The following DDX6 variants were observed in gnomAD, a reference collection of about 807,000 sequenced individuals.
The protein encoded by DDX6 is DEAD-box helicase 6.
DDX6 carries 7 observed loss-of-function variants against 60.6 expected under a neutral mutation model. The observed-to-expected ratio is 0.12, with a 90% confidence interval of 0.07 to 0.22. DDX6 has a LOEUF of 0.22. DDX6 is among the 10% of genes least tolerant of loss of function. DDX6 has a pLI of 1.00. For synonymous variants in DDX6, 207 were observed against 201.0 expected (o/e 1.03, Z -0.25); for missense variants, 270 against 589.9 (o/e 0.46, Z 5.62).
chr11:118,771,910 T>G (rs782199555), intron 4 of DDX6, among the ~76,000 whole-genome samples: 52 of 152,268 alleles, frequency 3.4e-4, no homozygotes, highest in Non-Finnish European at 6.3e-4. Flanking sequence ...AGTTACCATA[T>G]GAACTAGCAA....
chr11:118,785,992 A>G, intron 2 of DDX6, 60 bp downstream of exon 2: 4 of 1,525,732 alleles, frequency 2.6e-6, no homozygotes, highest in Non-Finnish European at 3.6e-6. Context: ...AGTCAACACC[A>G]AAGTAACACA....
chr11:118,772,594 C>T (rs544719661), intron 4 of DDX6, among the ~76,000 whole-genome samples: 44 of 152,144 alleles, frequency 2.9e-4, no homozygotes, highest in African/African-American at 9.2e-4. Flanking sequence ...TCTAAATGCA[C>T]TAAAAAGCAT....
At position 118,757,252 on chromosome 11, in the gene DDX6, G is replaced by C; in HGVS notation, c.1029C>G (p.Ser343=). The part of the protein sequence containing the change: ...QINQSIIFCN[S]SQRVELLAKK... Reference sequence around the variant, plus strand: ...TGGCTAGCAATTCAACTCGCTGAGAGGAGTTACAGAAAATGATCGACTGGT... The same window carrying C: ...TGGCTAGCAATTCAACTCGCTGAGACGAGTTACAGAAAATGATCGACTGGT... Residue 343 remains serine (S), a synonymous_variant, in exon 10 of 14, where the codon TCC becomes TCG. Coordinates refer to ENST00000534980, the MANE Select transcript of DDX6 (RefSeq NM_004397.6). The C allele has an allele frequency of 6.3e-7, 1 of 1,582,998 alleles. No individual in the cohort carries two copies. Among genetic ancestry groups the C allele is most frequent in the East Asian group, 2.3e-5 (1 of 43,300 alleles).
intron 2 of DDX6, among the ~76,000 whole-genome samples, chr11:118,784,809 T>C (rs745813522): frequency 6.6e-6 from 1 of 150,782 alleles, no homozygotes; most frequent in African/African-American, 2.4e-5. Context: ...TGGAGTGCAA[T>C]GGTGCAATCT....
In DDX6 at chr11:118,766,912, A is replaced by AC. The variant is rs71044489; in HGVS notation, c.499+1310_499+1311insG. Among the ~76,000 whole-genome samples, 182 of 151,948 alleles carry AC rather than the reference A, an allele frequency of 1.2e-3. 2 individuals carry two copies. Among genetic ancestry groups the AC allele is most frequent in the African/African-American group, 4.2e-3 (176 of 41,424 alleles). ...CTGCTGCTTCTTCGTTTTGAGACAG[A>AC]TCTCGCTCTGTTACCCAGGCTGGAG... On this transcript the variant is annotated intron_variant, in intron 5 of 13. Transcript: ENST00000534980.
chr11:118,784,026 T>A (rs1464896149), intron 2 of DDX6, among the ~76,000 whole-genome samples: 1 of 143,356 alleles, frequency 7.0e-6, no homozygotes, highest in African/African-American at 2.6e-5. Context: ...AAGTTGAGGC[T>A]GCAGTGAGCC....
chr11:118,768,175 G>A, intron 5 of DDX6, 48 bp downstream of exon 5: 1 of 1,574,242 alleles, frequency 6.4e-7, no homozygotes, highest in Non-Finnish European at 8.7e-7. Flanking sequence ...TGGCTCCAAG[G>A]CTGAAACTCC....
chr11:118,757,832 C>G (rs1861030770), intron 9 of DDX6, among the ~76,000 whole-genome samples: 1 of 152,126 alleles, frequency 6.6e-6, no homozygotes, highest in South Asian at 2.1e-4. Flanking sequence ...CTCAGGTGAT[C>G]TGCCCACTTC....
At chr11:118,773,452 G>C (rs1861601353) in intron 4 of DDX6, among the ~76,000 whole-genome samples, 1 of 152,130 alleles carries the variant, frequency 6.6e-6, no homozygotes, top group African/African-American at 2.4e-5. Context: ...GGCGCCTGCA[G>C]TCCCAGCCAC....
rs59295871 is a variant in DDX6 at position 118,752,734 on chromosome 11, C to G, written c.*8-637G>C. 1.9e-3 allele frequency among the ~76,000 whole-genome samples: 290 copies of G among 152,230 alleles called. 2 individuals carry two copies. Among genetic ancestry groups the G allele is most frequent in the African/African-American group, 6.5e-3 (268 of 41,534 alleles). On this transcript the variant is annotated intron_variant, in intron 13 of 13. Transcript: ENST00000534980. ...TTTCTTTAGGAAATACTGAAACAAC[C>G]TACCTTGCTTAAAGCTGAGCCTTGT...
chr11:118,754,674 G>A lies in DDX6; in HGVS notation c.*7+31C>T, dbSNP rs1860903061. 3.9e-6 allele frequency: 6 copies of A among 1,544,912 alleles called. No homozygotes were observed. In the East Asian group the frequency reaches 9.3e-5, roughly 24 times the overall value. On this transcript the variant is annotated intron_variant, in intron 13 of 13. Coordinates refer to ENST00000534980, the MANE Select transcript of DDX6 (RefSeq NM_004397.6). ...AGATTTTGATTTCCCTCATTTAAAG[G>A]TTCCTCTTAGCTGTTCTGTCAGGGA... is the stretch of plus-strand genomic sequence containing the variant.
At chr11:118,752,689 T>C (rs1329694413) in intron 13 of DDX6, among the ~76,000 whole-genome samples, 1 of 152,188 alleles carries the variant, frequency 6.6e-6, no homozygotes, top group Admixed American at 6.5e-5. Flanking sequence ...ACTTGGAAAC[T>C]ATCCTTTGTC....
chr11:118,779,527 T>A, intron 4 of DDX6, 105 bp downstream of exon 4: 1 of 694,834 alleles, frequency 1.4e-6, no homozygotes, highest in Non-Finnish European at 2.4e-6. Flanking sequence ...TGTGTATACG[T>A]GAGAGAGAAA....
upstream of DDX6, chr11:118,791,737 G>A (rs1368800144): frequency 6.6e-6 from 1 of 152,162 alleles, no homozygotes; most frequent in Non-Finnish European, 1.5e-5. Context: ...GACGCCGGGC[G>A]CGCGTCTGAG....
chr11:118,776,525 G>A lies in DDX6; in HGVS notation c.369+3107C>T, dbSNP rs374526605. ...AAAGTTGAATGATGCAGTTCCTACT[G>A]TAAAGGAACTCTCATAAGACCTCAG... On this transcript the variant is annotated intron_variant, in intron 4 of 13. Coordinates refer to ENST00000534980, the MANE Select transcript of DDX6 (RefSeq NM_004397.6). Among the ~76,000 whole-genome samples the A allele has an allele frequency of 2.2e-4, 34 of 152,274 alleles. 1 individual carries two copies. The East Asian group carries it at 4.2e-3, about 19-fold the overall frequency.
chr11:118,775,995 AAAACAACCAGGTGTGC>A (rs1173929764), intron 4 of DDX6, among the ~76,000 whole-genome samples: 1 of 151,992 alleles, frequency 6.6e-6, no homozygotes, highest in Non-Finnish European at 1.5e-5. Context: ...ACAAAAACAA[AAAACAACCAGGTGTGC>A]TGGTACTACA....
intron 6 of DDX6, among the ~76,000 whole-genome samples, chr11:118,763,850 A>AG (rs1555160798): frequency 2.6e-4 from 38 of 147,446 alleles, no homozygotes; most frequent in Non-Finnish European, 4.5e-4. Flanking sequence ...AAAAAAAAAA[A>AG]AAAAAGAAAG....
chr11:118,789,104 C>A (rs1273869054), intron 1 of DDX6: 1 of 137,866 alleles, frequency 7.3e-6, no homozygotes, highest in African/African-American at 2.8e-5. Context: ...GAGGCGGAGT[C>A]TCGCTCTGCC....
In DDX6 at chr11:118,785,599, G is replaced by A. The variant is rs561004555; in HGVS notation, c.200+453C>T. ...CTGAGTGAATAATGCTTGGAGTTCA[G>A]AAGGCTGGGCAAGTCTTTAAAGACT... On this transcript the variant is annotated intron_variant, in intron 2 of 13. Coordinates refer to ENST00000534980, the MANE Select transcript of DDX6 (RefSeq NM_004397.6). Among the ~76,000 whole-genome samples the A allele has an allele frequency of 3.3e-5, 5 of 151,792 alleles. No individual in the cohort carries two copies. In the East Asian group the frequency reaches 9.7e-4, roughly 29 times the overall value.
Sources: allele counts gnomAD v4.1 joint callset (sites outside exome capture counted in the v4.1 genomes callset), GRCh38; gene constraint gnomAD v4.1.1; transcripts MANE v1.5; gene names NCBI Gene and HGNC (gene_info 2026-07-23, HGNC 2026-07-21).